COX10: variants seen among roughly 807,000 people sequenced by gnomAD.
COX10 encodes protoheme IX farnesyltransferase, mitochondrial.
COX10 carries 27 observed loss-of-function variants against 37.3 expected under a neutral mutation model. The ratio of observed to expected loss-of-function variants is 0.72; its 90% CI spans 0.53 to 1.00. The LOEUF (loss-of-function observed/expected upper bound fraction) is 1.00, where lower values mean the gene tolerates loss of function less well. Ranked by LOEUF, COX10 falls within the 50% of genes least tolerant of loss-of-function variation. The pLI is 0.00. For missense variants in COX10, 475 were observed against 563.2 expected, an observed-to-expected ratio of 0.84 and a Z score of 1.59; for synonymous variants, 222 against 229.1, an observed-to-expected ratio of 0.97 and a Z score of 0.28.
intron 4 of COX10, among the ~76,000 whole-genome samples, chr17:14,128,841 ATTTAT>A (rs2142217800): frequency 6.6e-6 from 1 of 152,238 alleles, no homozygotes; most frequent in South Asian, 2.1e-4. Flanking sequence ...GTATTTCTAC[ATTTAT>A]TTTATTTATT....
At chr17:14,177,040 A>G in intron 5 of COX10, 2 of 389,998 alleles carry the variant, frequency 5.1e-6, no homozygotes, top group Non-Finnish European at 4.5e-6. Flanking sequence ...ATGCAATGAC[A>G]TTGTCATTTG....
chr17:14,083,507 C>G (rs995004707), intron 3 of COX10, among the ~76,000 whole-genome samples: 22 of 152,270 alleles, frequency 1.4e-4, no homozygotes, highest in African/African-American at 4.8e-4. Flanking sequence ...TCTTTCCCTC[C>G]TTTTGTTTAT....
At chr17:14,103,219 A>G (rs961591175) in intron 4 of COX10, among the ~76,000 whole-genome samples, 4 of 152,184 alleles carry the variant, frequency 2.6e-5, no homozygotes, top group Non-Finnish European at 5.9e-5. Context: ...CATCTCTTCC[A>G]AGTAGTTTCT....
At chr17:14,205,545 G>A (rs926399268) in intron 6 of COX10, among the ~76,000 whole-genome samples, 7 of 152,198 alleles carry the variant, frequency 4.6e-5, no homozygotes, top group Non-Finnish European at 8.8e-5. Context: ...TATCCCCAGT[G>A]CCTAGCACGG....
chr17:14,162,120 A>G (rs551093404), intron 5 of COX10, among the ~76,000 whole-genome samples: 1 of 152,324 alleles, frequency 6.6e-6, no homozygotes, highest in African/African-American at 2.4e-5. Context: ...AAAAATTTTA[A>G]AGCTAATTAT....
At chr17:14,127,759 C>T (rs2142217041) in intron 4 of COX10, among the ~76,000 whole-genome samples, 1 of 152,212 alleles carries the variant, frequency 6.6e-6, no homozygotes. Flanking sequence ...TCTTTGCCTA[C>T]TTAGATGTCC....
intron 5 of COX10, among the ~76,000 whole-genome samples, chr17:14,174,064 C>T (rs1905571726): frequency 6.6e-6 from 1 of 151,742 alleles, no homozygotes; most frequent in Non-Finnish European, 1.5e-5. Context: ...AAATACAAGC[C>T]ACAGAGTAGG....
chr17:14,172,239 G>T (rs1905492592), intron 5 of COX10, among the ~76,000 whole-genome samples: 1 of 151,624 alleles, frequency 6.6e-6, no homozygotes, highest in Non-Finnish European at 1.5e-5. Flanking sequence ...GTATCTTTTT[G>T]ATTAATGTTG....
chr17:14,138,818 G>A (rs749605726), intron 4 of COX10, among the ~76,000 whole-genome samples: 14 of 152,092 alleles, frequency 9.2e-5, no homozygotes, highest in Non-Finnish European at 1.8e-4. Flanking sequence ...CTGCCTGATT[G>A]TCTCCTCATC....
At chr17:14,176,541 TTTG>T (rs762593957) in intron 5 of COX10, among the ~76,000 whole-genome samples, 14 of 152,190 alleles carry the variant, frequency 9.2e-5, no homozygotes, top group Non-Finnish European at 1.9e-4. Flanking sequence ...AGGCTTTTCT[TTTG>T]TTCCCTCTTA....
chr17:14,103,410 G>A (rs1250572292), intron 4 of COX10, among the ~76,000 whole-genome samples: 5 of 152,048 alleles, frequency 3.3e-5, no homozygotes, highest in African/African-American at 7.2e-5. Flanking sequence ...TCTGGGACCC[G>A]AGGTTAAGCC....
intron 1 of COX10, among the ~76,000 whole-genome samples, chr17:14,072,034 A>G (rs1274069420): frequency 6.6e-6 from 1 of 152,202 alleles, no homozygotes; most frequent in Non-Finnish European, 1.5e-5. Context: ...CAGAATTTTA[A>G]TGTATCTATT....
intron 4 of COX10, among the ~76,000 whole-genome samples, chr17:14,157,058 T>C (rs572470690): frequency 6.6e-6 from 1 of 152,338 alleles, no homozygotes; most frequent in African/African-American, 2.4e-5. Flanking sequence ...AAACTTTGTT[T>C]ATGGACACTG....
At chr17:14,162,190 T>C (rs1905184242) in intron 5 of COX10, among the ~76,000 whole-genome samples, 1 of 152,224 alleles carries the variant, frequency 6.6e-6, no homozygotes, top group African/African-American at 2.4e-5. Context: ...AACCAGACTT[T>C]CAAATGGATA....
chr17:14,134,933 T>C (rs2142221752), intron 4 of COX10, among the ~76,000 whole-genome samples: 1 of 151,970 alleles, frequency 6.6e-6, no homozygotes, highest in South Asian at 2.1e-4. Flanking sequence ...AAGCAGGATG[T>C]TGACTTTTTG....
chr17:14,091,525 T>C (rs1915526108), intron 3 of COX10, among the ~76,000 whole-genome samples: 1 of 152,100 alleles, frequency 6.6e-6, no homozygotes, highest in African/African-American at 2.4e-5. Flanking sequence ...AAATGAAAAT[T>C]CCCAAAGGAA....
chr17:14,175,019 T>C (rs1474339768), intron 5 of COX10, among the ~76,000 whole-genome samples: 1 of 103,358 alleles, frequency 9.7e-6, no homozygotes. Context: ...TGATTCCATT[T>C]ATATGACATT....
Position 14,069,614 on chromosome 17 carries a change from A to G in COX10, c.9A>G (p.Ala3=). The G allele has an allele frequency of 6.2e-7, 1 of 1,614,108 alleles. No individual in the cohort carries two copies. The highest frequency in any genetic ancestry group is 8.5e-7 in the Non-Finnish European group (1 of 1,180,014). The change falls in exon 1 of 7, where the codon GCA becomes GCG. Residue 3 remains alanine, a synonymous_variant. Coordinates refer to ENST00000261643, the MANE Select transcript of COX10 (RefSeq NM_001303.4). ...CCCCAGACTCGTAAATTATGGCCGC[A>G]TCTCCGCACACTCTCTCCTCACGCC... MA[A]SPHTLSSRLL...
chr17:14,164,737 G>C (rs1046094759), intron 5 of COX10, among the ~76,000 whole-genome samples: 2 of 152,190 alleles, frequency 1.3e-5, no homozygotes, highest in African/African-American at 4.8e-5. Flanking sequence ...CTTGGAGCAA[G>C]TGAGGAAGAA....
Sources: gnomAD v4.1 joint callset for allele counts (sites outside exome capture counted in the v4.1 genomes callset) on GRCh38, gnomAD v4.1.1 for gene constraint, MANE v1.5 for transcripts, NCBI Gene and HGNC (gene_info 2026-07-23, HGNC 2026-07-21) for gene names.